WDR49: variants seen among roughly 807,000 people sequenced by gnomAD.
WDR49 encodes the protein WD repeat domain 49, also known as cilia- and flagella-associated protein 337.
In WDR49, 107 loss-of-function variants were observed where a neutral mutation model predicts 119.5. The ratio of observed to expected loss-of-function variants is 0.90; its 90% CI spans 0.77 to 1.05. WDR49 has a LOEUF of 1.05. Among genes scored for constraint, WDR49 ranks in the 50% least tolerant of loss-of-function variants. The pLI, the probability that WDR49 is intolerant of heterozygous loss-of-function variation, is 0.00. For synonymous variants in WDR49, 425 were observed against 418.8 expected, an observed-to-expected ratio of 1.01 and a Z score of -0.18; for missense variants, 1,240 against 1,220.5, an observed-to-expected ratio of 1.02 and a Z score of -0.24.
intron 5 of WDR49, among the ~76,000 whole-genome samples, chr3:167,604,686 C>T (rs1715958392): frequency 6.6e-6 from 1 of 152,106 alleles, no homozygotes; most frequent in Non-Finnish European, 1.5e-5. Flanking sequence ...ACTTTTCCCC[C>T]AATCTAGGGA....
chr3:167,592,336 T>C (rs1715157861), intron 7 of WDR49, among the ~76,000 whole-genome samples: 2 of 152,188 alleles, frequency 1.3e-5, no homozygotes, highest in Admixed American at 1.3e-4. Context: ...CAGATAACAA[T>C]AGCTTACACA....
rs1414381019 is a variant in WDR49, at chr3:167,544,110, G to A, written c.1824-7110C>T. Among the ~76,000 whole-genome samples, 5 of 147,716 alleles carry A rather than the reference G, an allele frequency of 3.4e-5. No individual in the cohort carries two copies. In the East Asian group the frequency reaches 9.8e-4, roughly 29 times the overall value. ...AGTATTTAGGAATATACCTGACCAA[G>A]GAGGTGAAAGATCTCTACAAGGAAA... On this transcript the variant is annotated intron_variant, in intron 10 of 18. Transcript: ENST00000682715.
chr3:167,595,544 A>G (rs1250666904), intron 7 of WDR49, among the ~76,000 whole-genome samples: 1 of 152,268 alleles, frequency 6.6e-6, no homozygotes, highest in East Asian at 1.9e-4. Context: ...GAACAGAACA[A>G]AGCCCTCAGA....
At chr3:167,580,914 T>C (rs763688632) in intron 7 of WDR49, among the ~76,000 whole-genome samples, 10 of 152,194 alleles carry the variant, frequency 6.6e-5, no homozygotes, top group Non-Finnish European at 1.2e-4. Flanking sequence ...TCACAAACTT[T>C]TAAGCTTAAA....
At chr3:167,575,279 C>T (rs1197631412) in intron 8 of WDR49, 26 of 985,750 alleles carry the variant, frequency 2.6e-5, no homozygotes, top group Non-Finnish European at 3.1e-5. Flanking sequence ...GCCCTGTCCT[C>T]CAAGAAGGGC....
Position 167,527,851 on chromosome 3 carries a change from A to T in WDR49, c.2573T>A (p.Val858Asp). The T allele has an allele frequency of 1.9e-6, 3 of 1,613,022 alleles. No individual in the cohort carries two copies. The highest frequency in any genetic ancestry group is 2.5e-6 in the Non-Finnish European group (3 of 1,179,386). The change falls in exon 15 of 19, where the codon GTC becomes GAC. Residue 858 changes from valine to aspartate, a missense_variant. Physicochemically the swap from Val to Asp is radical, Grantham distance 152. Coordinates refer to ENST00000682715, the MANE Select transcript of WDR49 (RefSeq NM_001366157.1). ...SADCSICVTG[V>D]CNAPVWIFGQ... Reference sequence around the variant, plus strand: ...AAAGATCCAAACAGGAGCATTGCAGACACCAGTCACACAAATACTGCAGTC... The same window carrying T: ...AAAGATCCAAACAGGAGCATTGCAGTCACCAGTCACACAAATACTGCAGTC...
At chr3:167,654,959 G>T (rs1008843479), upstream of WDR49, among the ~76,000 whole-genome samples, 4 of 151,892 alleles carry the variant, frequency 2.6e-5, no homozygotes, top group South Asian at 6.2e-4. Flanking sequence ...GTAACATACG[G>T]AAGAGAACAG....
At chr3:167,515,480 A>C (rs982574831) in intron 16 of WDR49, among the ~76,000 whole-genome samples, 35 of 152,190 alleles carry the variant, frequency 2.3e-4, no homozygotes, top group African/African-American at 8.2e-4. Context: ...TATTGAAGGA[A>C]CATATCTCAA....
rs184232184 is a variant in WDR49 at position 167,606,789 on chromosome 3, G to C, written c.959-2321C>G. ...TTGTGTTATAAGGGCAGAGAGGGCA[G>C]TGAGTGACCCCTTTCCTCCTCATTA... On this transcript the variant is annotated intron_variant, in intron 5 of 18. Coordinates refer to ENST00000682715, the MANE Select transcript of WDR49 (RefSeq NM_001366157.1). 1.6e-4 allele frequency among the ~76,000 whole-genome samples: 24 copies of C among 152,286 alleles called. No individual in the cohort carries two copies. The East Asian group carries it at 4.4e-3, about 28-fold the overall frequency.
chr3:167,532,532 T>C (rs1752886956), intron 12 of WDR49, among the ~76,000 whole-genome samples: 1 of 152,168 alleles, frequency 6.6e-6, no homozygotes, highest in East Asian at 1.9e-4. Context: ...TGAATTTCCA[T>C]TTTTTTACCA....
intron 7 of WDR49, among the ~76,000 whole-genome samples, chr3:167,577,341 G>T (rs1455631149): frequency 1.3e-5 from 2 of 151,938 alleles, no homozygotes; most frequent in Non-Finnish European, 2.9e-5. Flanking sequence ...TCTCCAAAAG[G>T]GGGTATCAGG....
intron 10 of WDR49, among the ~76,000 whole-genome samples, chr3:167,553,477 A>C (rs986309889): frequency 2.0e-5 from 3 of 152,140 alleles, no homozygotes; most frequent in African/African-American, 7.2e-5. Flanking sequence ...TTAATTCCTA[A>C]CTATGGATAT....
chr3:167,481,670 G>A (rs888902941), intron 18 of WDR49, among the ~76,000 whole-genome samples: 2 of 152,060 alleles, frequency 1.3e-5, no homozygotes, highest in Non-Finnish European at 2.9e-5. Context: ...TCACATGGCC[G>A]GGGAGGTCTC....
chr3:167,512,699 G>T (rs1268491289), intron 16 of WDR49, among the ~76,000 whole-genome samples: 1 of 152,172 alleles, frequency 6.6e-6, no homozygotes, highest in Admixed American at 6.5e-5. Context: ...ATGCAAAGAA[G>T]CTAAGAACCA....
chr3:167,579,041 T>A lies in WDR49; in HGVS notation c.1276-2890A>T, dbSNP rs78648103. ...TCTGATGGTTTTGTAAGCATCTGGCTTTTCCCCTACTCGCACTTCTCTCTC... is the reference window on the plus strand; with the variant it reads ...TCTGATGGTTTTGTAAGCATCTGGCATTTCCCCTACTCGCACTTCTCTCTC... On this transcript the variant is annotated intron_variant, in intron 7 of 18. Transcript: ENST00000682715. Among the ~76,000 whole-genome samples, 1,044 of 152,194 alleles carry A rather than the reference T, an allele frequency of 6.9e-3. 55 individuals carry two copies. In the East Asian group the frequency reaches 0.13, roughly 20 times the overall value.
rs201933989 is a variant in WDR49 at position 167,511,759 on chromosome 3, GT to G, written c.2775-6344del. ...ACCATCACTGTGGCTCCAATCAGCC[GT>G]TTTCCCCTGCCGGTGTTGGGGAGAC... On this transcript the variant is annotated intron_variant, in intron 16 of 18. Transcript: ENST00000682715. 7.6e-3 allele frequency among the ~76,000 whole-genome samples: 1,153 copies of G among 152,284 alleles called. 17 individuals carry two copies. The highest frequency in any genetic ancestry group is 0.026 in the African/African-American group (1,096 of 41,556).
chr3:167,536,757 A>G (rs1753049343), intron 11 of WDR49, 113 bp downstream of exon 11: 1 of 386,050 alleles, frequency 2.6e-6, no homozygotes, highest in Non-Finnish European at 3.7e-6. Context: ...ATACATATAC[A>G]TATATATATA....
At chr3:167,522,226 C>A in intron 16 of WDR49, 89 bp downstream of exon 16, 1 of 1,325,652 alleles carries the variant, frequency 7.5e-7, no homozygotes, top group Non-Finnish European at 1.0e-6. Flanking sequence ...TTGAACATTC[C>A]ACAGAGGACA....
intron 10 of WDR49, among the ~76,000 whole-genome samples, chr3:167,554,223 T>C (rs1050825161): frequency 6.6e-5 from 10 of 152,150 alleles, no homozygotes; most frequent in African/African-American, 2.2e-4. Flanking sequence ...TTTTCTGCAC[T>C]GATAGAAAGG....
Sources: gnomAD v4.1 joint callset for allele counts (sites outside exome capture counted in the v4.1 genomes callset) on GRCh38, gnomAD v4.1.1 for gene constraint, MANE v1.5 for transcripts, NCBI Gene and HGNC (gene_info 2026-07-23, HGNC 2026-07-21) for gene names.